PPP1R14A: variants seen among roughly 807,000 people sequenced by gnomAD.
The protein encoded by PPP1R14A is protein phosphatase 1 regulatory inhibitor subunit 14A.
A neutral mutation model predicts 14.1 loss-of-function variants in PPP1R14A; 9 were observed. The ratio of observed to expected loss-of-function variants is 0.64; its 90% CI spans 0.38 to 1.11. The LOEUF is 1.11. PPP1R14A is among the 50% of genes most tolerant of loss of function. The probability of loss-of-function intolerance (pLI) is 0.01; values close to 1 mark genes in which losing one functional copy is unlikely to be tolerated. For synonymous variants in PPP1R14A, 93 were observed against 88.7 expected, an observed-to-expected ratio of 1.05 and a Z score of -0.27; for missense variants, 208 against 200.7, an observed-to-expected ratio of 1.04 and a Z score of -0.22.
At chr19:38,255,368 A>G (rs1968235389) in intron 1 of PPP1R14A, among the ~76,000 whole-genome samples, 1 of 152,078 alleles carries the variant, frequency 6.6e-6, no homozygotes, top group Non-Finnish European at 1.5e-5. Context: ...ACGTCAAGCA[A>G]TCCTCCTGCC....
rs912349539 is a variant in PPP1R14A, at chr19:38,252,080, A to G, written c.315+226T>C. 2.0e-5 allele frequency: 12 copies of G among 586,948 alleles called. No homozygotes were observed. The highest frequency in any genetic ancestry group is 2.7e-5 in the Non-Finnish European group (9 of 329,936). The allele number at this position is 586,948 out of a possible 1,614,324, so 36.4% of individuals were successfully genotyped here. ...GAGGCAAAAACAGGGCAGATGGGGG[A>G]GGACAGAATGGAGCCCCCTCAGCAG... On this transcript the variant is annotated intron_variant, in intron 3 of 3. Transcript: ENST00000301242. This position sits in a 1 kb window ranked among gnomAD's most constrained non-coding sequence, Gnocchi z 4.1.
rs545140776 is a variant in PPP1R14A, at chr19:38,252,284, G to C, written c.315+22C>G. The stretch of plus-strand genomic sequence containing the variant: ...AGTACTTGGGGCCAGAACAGGGAGA[G>C]AATGAGGGAGAGAAAACTCACCTCG... On this transcript the variant is annotated intron_variant, in intron 3 of 3. Coordinates refer to ENST00000301242, the MANE Select transcript of PPP1R14A (RefSeq NM_033256.3). This position sits in a 1 kb window ranked among gnomAD's most constrained non-coding sequence, Gnocchi z 4.1. The C allele has an allele frequency of 1.2e-5, 20 of 1,609,438 alleles. No homozygotes were observed. The South Asian group carries it at 1.8e-4, about 14-fold the overall frequency.
rs1166839796 is a variant in PPP1R14A, at chr19:38,256,231, C to T, written c.109G>A (p.Val37Ile). 3 of 1,552,662 alleles carry T rather than the reference C, an allele frequency of 1.9e-6. No homozygotes were observed. The highest frequency in any genetic ancestry group is 2.6e-6 in the Non-Finnish European group (3 of 1,153,496). ...TCCCGCCGGTCATACTTGACGGTGA[C>T]GCGCGCGTGCCGCTTCTGCAGCCCC... ...PGGLQKRHAR[V>I]TVKYDRRELQ... Residue 37 changes from valine to isoleucine, a missense_variant, in exon 1 of 4, where the codon GTC becomes ATC. Coordinates refer to ENST00000301242, the MANE Select transcript of PPP1R14A (RefSeq NM_033256.3). The surrounding 1 kb of genome is among the most constrained non-coding windows in gnomAD (Gnocchi z 5.7).
chr19:38,255,997 C>T (rs1239103415), intron 1 of PPP1R14A, 142 bp downstream of exon 1: 8 of 727,884 alleles, frequency 1.1e-5, no homozygotes, highest in Non-Finnish European at 1.7e-5. Context: ...CCAATGAGTG[C>T]CCGGCCCTGG....
Position 38,251,347 on chromosome 19 carries a change from G to A in PPP1R14A, c.415C>T (p.Gln139Ter). Residue 139 changes from glutamine (Q) to a stop codon, truncating the protein, a stop_gained, in exon 4 of 4, where the codon CAG becomes TAG. Coordinates refer to ENST00000301242, the MANE Select transcript of PPP1R14A (RefSeq NM_033256.3). LOFTEE classifies it high-confidence loss of function. ...PSHDGSLSPLQDRARTAHP is the reference protein window; with the variant it reads ...PSHDGSLSPL The stretch of plus-strand genomic sequence containing the variant: ...GGGTGAGCAGTCCGGGCCCGGTCCT[G>A]GAGGGGGCTGAGGCTGCCGTCGTGG... The A allele has an allele frequency of 6.5e-7, 1 of 1,542,250 alleles. No homozygotes were observed. Among genetic ancestry groups the A allele is most frequent in the Non-Finnish European group, 8.7e-7 (1 of 1,155,510 alleles).
At chr19:38,254,111 C>T (rs1022458385) in intron 1 of PPP1R14A, among the ~76,000 whole-genome samples, 5 of 152,160 alleles carry the variant, frequency 3.3e-5, no homozygotes, top group Admixed American at 2.6e-4. Context: ...AGGGCCATGC[C>T]TTCCACCATT....
At position 38,252,988 on chromosome 19, in the gene PPP1R14A, G is replaced by A. The variant is rs150583716; in HGVS notation, c.202-14C>T. The A allele has an allele frequency of 1.1e-3, 1,774 of 1,606,072 alleles. 10 individuals are homozygous for A. In the African/African-American group the frequency reaches 0.021, roughly 19 times the overall value. On this transcript the variant is annotated splice_polypyrimidine_tract_variant and intron_variant, in intron 1 of 3. Coordinates refer to ENST00000301242, the MANE Select transcript of PPP1R14A (RefSeq NM_033256.3). The surrounding 1 kb of genome is among the most constrained non-coding windows in gnomAD (Gnocchi z 4.1). ...CATGTCTGCCTCCTAGGGCCAGGGAGGGAGGGGTGCTTAGGATCCCCTTCC... is the reference window on the plus strand; with the variant it reads ...CATGTCTGCCTCCTAGGGCCAGGGAAGGAGGGGTGCTTAGGATCCCCTTCC...
Position 38,251,301 on chromosome 19 carries a change from G to C in PPP1R14A, c.*17C>G. On this transcript the variant is annotated 3_prime_UTR_variant, in exon 4 of 4. Coordinates refer to ENST00000301242, the MANE Select transcript of PPP1R14A (RefSeq NM_033256.3). ...CAAGCTGGGCGGCGTCCGGGGGGCAGGGAGAGTGCAAGAGGGTCAGGGGTG... is the reference window on the plus strand; with the variant it reads ...CAAGCTGGGCGGCGTCCGGGGGGCACGGAGAGTGCAAGAGGGTCAGGGGTG... 1 of 1,457,888 alleles carries C rather than the reference G, an allele frequency of 6.9e-7. No homozygotes were observed. The highest frequency in any genetic ancestry group is 9.0e-7 in the Non-Finnish European group (1 of 1,113,796). 90.3% of individuals were successfully genotyped at this position (1,457,888 alleles called of 1,614,324 possible).
chr19:38,256,131 G>A lies in PPP1R14A; in HGVS notation c.201+8C>T, dbSNP rs753211704. ...CCCCGACCACCCCCGAGCCCTCCCC[G>A]GGCTCACCATGCCGCGGTACAGCTC... On this transcript the variant is annotated splice_region_variant and intron_variant, in intron 1 of 3. Transcript: ENST00000301242. The surrounding 1 kb of genome is among the most constrained non-coding windows in gnomAD (Gnocchi z 5.7). 1 of 1,539,028 alleles carries A rather than the reference G, an allele frequency of 6.5e-7. No individual in the cohort carries two copies. The highest frequency in any genetic ancestry group is 1.4e-5 in the African/African-American group (1 of 72,966).
intron 1 of PPP1R14A, among the ~76,000 whole-genome samples, chr19:38,255,673 C>A (rs1176134855): frequency 6.9e-6 from 1 of 144,190 alleles, no homozygotes; most frequent in Non-Finnish European, 1.5e-5. Context: ...ATGGCTGTTA[C>A]TTCTGGGCTG....
chr19:38,253,367 G>C, intron 1 of PPP1R14A: 1 of 166,884 alleles, frequency 6.0e-6, no homozygotes, highest in Non-Finnish European at 1.3e-5. Context: ...ACTAGGTGCA[G>C]GGGAGGAGAG....
Position 38,252,802 on chromosome 19 carries a change from A to G in PPP1R14A, c.282+92T>C, listed in dbSNP as rs1968204093. Reference sequence around the variant, plus strand: ...TAAAGCCATCACACCAGTGCCCGGCATCTAGTGAGCACTCAGTAAACACGT... The same window carrying G: ...TAAAGCCATCACACCAGTGCCCGGCGTCTAGTGAGCACTCAGTAAACACGT... On this transcript the variant is annotated intron_variant, in intron 2 of 3. Coordinates refer to ENST00000301242, the MANE Select transcript of PPP1R14A (RefSeq NM_033256.3). The surrounding 1 kb of genome is among the most constrained non-coding windows in gnomAD (Gnocchi z 4.1). 2 of 943,140 alleles carry G rather than the reference A, an allele frequency of 2.1e-6. No individual in the cohort carries two copies. Among genetic ancestry groups the G allele is most frequent in the South Asian group, 2.6e-5 (2 of 76,074 alleles). The allele number at this position is 943,140 out of a possible 1,614,324, so 58.4% of individuals were successfully genotyped here. A position where few individuals can be genotyped will look rare whatever the true frequency, so the allele number is the denominator to read the frequency against.
chr19:38,251,976 C>T (rs914451130), intron 3 of PPP1R14A: 6 of 422,756 alleles, frequency 1.4e-5, no homozygotes, highest in Admixed American at 3.8e-5. Flanking sequence ...GAAGGGAGCC[C>T]GGGGTGGCGG....
At chr19:38,253,075 G>T in intron 1 of PPP1R14A, 101 bp from the exon 2 acceptor site, 1 of 898,304 alleles carries the variant, frequency 1.1e-6, no homozygotes, top group Non-Finnish European at 1.8e-6. Context: ...GGCCCAGCTG[G>T]CGGGTTCTGG....
rs778653537 is a variant in PPP1R14A at position 38,252,322 on chromosome 19, C to T, written c.299G>A (p.Cys100Tyr). 2.5e-6 allele frequency: 4 copies of T among 1,612,684 alleles called. No individual in the cohort carries two copies. Among genetic ancestry groups the T allele is most frequent in the East Asian group, 2.2e-5 (1 of 44,864 alleles). ...AAAACTCACCTCGACAGGTTTCCCA[C>T]ATGACTTCAGGAGTCCCTAAAACCC... ...SRKIQGLLKS[C>Y]GKPVEDFIQE... is the part of the protein sequence containing the mutation. The change falls in exon 3 of 4, where the codon TGT becomes TAT. Residue 100 changes from cysteine to tyrosine, a missense_variant. By Grantham distance (194) the Cys-to-Tyr change is radical (BLOSUM62 -2). Transcript: ENST00000301242. The surrounding 1 kb of genome is among the most constrained non-coding windows in gnomAD (Gnocchi z 4.1).
Position 38,256,184 on chromosome 19 carries a change from C to T in PPP1R14A, c.156G>A (p.Val52=). Residue 52 remains valine, a synonymous_variant, in exon 1 of 4, where the codon GTG becomes GTA. Coordinates refer to ENST00000301242, the MANE Select transcript of PPP1R14A (RefSeq NM_033256.3). The surrounding 1 kb of genome is among the most constrained non-coding windows in gnomAD (Gnocchi z 5.7). Reference sequence around the variant, plus strand: ...CCAGGCGCCCGTCGATCCACTTCTCCACGTCCAGCCGCCGCTGCAGCTCCC... The same window carrying T: ...CCAGGCGCCCGTCGATCCACTTCTCTACGTCCAGCCGCCGCTGCAGCTCCC... ...DRRELQRRLD[V]EKWIDGRLEE... 6.5e-7 allele frequency: 1 copy of T among 1,548,250 alleles called. No individual in the cohort carries two copies. Among genetic ancestry groups the T allele is most frequent in the Non-Finnish European group, 8.7e-7 (1 of 1,151,044 alleles).
intron 1 of PPP1R14A, among the ~76,000 whole-genome samples, chr19:38,255,064 G>A (rs1035707598): frequency 1.3e-5 from 2 of 152,192 alleles, no homozygotes; most frequent in Non-Finnish European, 2.9e-5. Flanking sequence ...GATTACAGGC[G>A]TGAGCCACCG....
rs1968208582 is a variant in PPP1R14A at position 38,253,085 on chromosome 19, G to A, written c.202-111C>T. 3.7e-6 allele frequency: 3 copies of A among 800,690 alleles called. No individual in the cohort carries two copies. The African/African-American group carries it at 5.1e-5, about 14-fold the overall frequency. The allele number at this position is 800,690 out of a possible 1,614,324, so 49.6% of individuals were successfully genotyped here. On this transcript the variant is annotated intron_variant, in intron 1 of 3. Transcript: ENST00000301242. ...CCCAGGGCCCAGCTGGCGGGTTCTGGAGCATTAATGTGGCAGTCCGGGACA... is the reference window on the plus strand; with the variant it reads ...CCCAGGGCCCAGCTGGCGGGTTCTGAAGCATTAATGTGGCAGTCCGGGACA...
chr19:38,256,161 A>T lies in PPP1R14A; in HGVS notation c.179T>A (p.Leu60Gln), dbSNP rs1968245963. Reference sequence around the variant, plus strand: ...CACCATGCCGCGGTACAGCTCCTCCAGGCGCCCGTCGATCCACTTCTCCAC... The same window carrying T: ...CACCATGCCGCGGTACAGCTCCTCCTGGCGCCCGTCGATCCACTTCTCCAC... Reference protein sequence around the residue: ...LDVEKWIDGRLEELYRGMEAD... With the variant: ...LDVEKWIDGRQEELYRGMEAD... Residue 60 changes from leucine (L) to glutamine (Q), a missense_variant, in exon 1 of 4, where the codon CTG becomes CAG. Physicochemically the swap from Leu to Gln is moderately radical, Grantham distance 113 (BLOSUM62 -2). Coordinates refer to ENST00000301242, the MANE Select transcript of PPP1R14A (RefSeq NM_033256.3). This position sits in a 1 kb window ranked among gnomAD's most constrained non-coding sequence, Gnocchi z 5.7. 1 of 1,547,046 alleles carries T rather than the reference A, an allele frequency of 6.5e-7. No homozygotes were observed. Among genetic ancestry groups the T allele is most frequent in the Non-Finnish European group, 8.7e-7 (1 of 1,151,570 alleles).
Sources: allele counts gnomAD v4.1 joint callset (sites outside exome capture counted in the v4.1 genomes callset), GRCh38; gene constraint gnomAD v4.1.1; non-coding constraint Gnocchi (gnomAD v3.1); transcripts MANE v1.5; gene names NCBI Gene and HGNC (gene_info 2026-07-23, HGNC 2026-07-21).